KPNA7: variants seen among roughly 807,000 people sequenced by gnomAD.
KPNA7 encodes karyopherin subunit alpha 7, also known as importin subunit alpha-8.
KPNA7 carries 54 observed loss-of-function variants against 53.7 expected under a neutral mutation model. The observed-to-expected ratio is 1.01, with a 90% CI of 0.81 to 1.26. The LOEUF (loss-of-function observed/expected upper bound fraction) is 1.26. Ranked by LOEUF, KPNA7 falls within the 50% of genes most tolerant of loss-of-function variation. The pLI is 0.00. For missense variants in KPNA7, 640 were observed against 644.5 expected (o/e 0.99, Z 0.07); for synonymous variants, 276 against 259.3 (o/e 1.06, Z -0.62).
rs1209692489 is a variant in KPNA7, at chr7:99,190,341, AAAAAAAAAGCAG to A, written c.637-1790_637-1779del. ...ACAGAGCAAGACTCTGTCTCAAAAA[AAAAAAAAAGCAG>A]AAAAAAAAGCAGAAAAAAAAGAAAG... On this transcript the variant is annotated intron_variant, in intron 6 of 10. Transcript: ENST00000327442. Among the ~76,000 whole-genome samples the A allele has an allele frequency of 3.9e-4, 59 of 151,738 alleles. 1 individual carries two copies. The highest frequency in any genetic ancestry group is 1.9e-3 in the South Asian group (9 of 4,790).
At position 99,184,933 on chromosome 7, in the gene KPNA7, T is replaced by C; in HGVS notation, c.1130A>G (p.Lys377Arg). 6.4e-7 allele frequency: 1 copy of C among 1,552,080 alleles called. No homozygotes were observed. The highest frequency in any genetic ancestry group is 8.7e-7 in the Non-Finnish European group (1 of 1,147,078). The change falls in exon 8 of 11, where the codon AAA (lysine) becomes AGA (arginine). Residue 377 changes from lysine to arginine, a missense_variant. Lys to Arg is a conservative substitution (Grantham distance 26). Transcript: ENST00000327442. ...GTTGCTGTGTGCGCCACTTACGTTT[T>C]TTAGCAGAGCCACCAAGGGAGGCAA... ...DVLPPLVALL[K>R]NGEFKVQKEA...
chr7:99,185,132 C>T lies in KPNA7; in HGVS notation c.931G>A (p.Val311Ile), dbSNP rs2150725655. ...TPSLRTVGNI[V>I]TGTDEQTQMA... ...TGCGTCTGCTCATCTGTGCCCGTGA[C>T]AATGTTCCCCACGGTGCGGAGAGAA... Residue 311 changes from valine to isoleucine, a missense_variant, in exon 8 of 11, where the codon GTC (valine) becomes ATC (isoleucine). By Grantham distance (29) the Val-to-Ile change is conservative. Coordinates refer to ENST00000327442, the MANE Select transcript of KPNA7 (RefSeq NM_001145715.3). 1 of 1,552,066 alleles carries T rather than the reference C, an allele frequency of 6.4e-7. No individual in the cohort carries two copies. The highest frequency in any genetic ancestry group is 8.7e-7 in the Non-Finnish European group (1 of 1,147,060).
chr7:99,203,208 C>G lies in KPNA7; in HGVS notation c.99G>C (p.Leu33=). The G allele has an allele frequency of 1.3e-6, 2 of 1,551,678 alleles. No homozygotes were observed. Among genetic ancestry groups the G allele is most frequent in the Non-Finnish European group, 1.7e-6 (2 of 1,146,924 alleles). The change falls in exon 3 of 11, where the codon CTG becomes CTC. Residue 33 remains leucine, a synonymous_variant. Coordinates refer to ENST00000327442, the MANE Select transcript of KPNA7 (RefSeq NM_001145715.3). ...CATCTTTCTTGGCCTTTCGGAGCTC[C>G]AGACTGACCGCCATCCTCTGCTGTC... is the stretch of plus-strand genomic sequence containing the variant. The part of the protein sequence containing the change: ...LRRQQRMAVS[L]ELRKAKKDEQ...
chr7:99,203,835 C>CA (rs762242430), intron 2 of KPNA7, among the ~76,000 whole-genome samples: 2 of 152,108 alleles, frequency 1.3e-5, no homozygotes, highest in Non-Finnish European at 2.9e-5. Flanking sequence ...CTCAGCCTCC[C>CA]AAGTAGCTGG....
upstream of KPNA7, among the ~76,000 whole-genome samples, chr7:99,208,643 T>C (rs1211992408): frequency 6.6e-6 from 1 of 151,984 alleles, no homozygotes; most frequent in Non-Finnish European, 1.5e-5. Flanking sequence ...CCTGACCTTG[T>C]GATCCACCCA....
chr7:99,211,167 C>A (rs926976627), upstream of KPNA7, among the ~76,000 whole-genome samples: 2 of 152,196 alleles, frequency 1.3e-5, no homozygotes, highest in Admixed American at 1.3e-4. Context: ...TGCCTATAAT[C>A]CCATCACTTT....
intron 7 of KPNA7, among the ~76,000 whole-genome samples, chr7:99,187,554 A>ATT (rs1789662311): frequency 1.3e-5 from 1 of 78,890 alleles, no homozygotes; most frequent in Non-Finnish European, 2.8e-5. Context: ...ACACCCAGCT[A>ATT]ATTTTTTTTT....
chr7:99,154,374 C>T, the KPNA7 span, among the ~76,000 whole-genome samples: 3 of 152,004 alleles, frequency 2.0e-5, no homozygotes, highest in Non-Finnish European at 4.4e-5. Flanking sequence ...AGCAATCCGC[C>T]CACCTTGGCC....
chr7:99,149,288 A>C, the KPNA7 span, among the ~76,000 whole-genome samples: 2 of 152,140 alleles, frequency 1.3e-5, no homozygotes, highest in Non-Finnish European at 2.9e-5. Context: ...GGACAATAAC[A>C]ACCCTTTTGA....
chr7:99,197,529 G>C (rs1314904724), intron 3 of KPNA7, among the ~76,000 whole-genome samples: 1 of 152,100 alleles, frequency 6.6e-6, no homozygotes, highest in East Asian at 1.9e-4. Context: ...TGTTGAACTA[G>C]ACAAAGATTT....
chr7:99,164,474 T>C, the KPNA7 span, among the ~76,000 whole-genome samples: 2 of 151,434 alleles, frequency 1.3e-5, no homozygotes, highest in African/African-American at 4.9e-5. Flanking sequence ...AACATCACAC[T>C]CCGGGGACTG....
At chr7:99,212,377 G>A (rs1306148583), upstream of KPNA7, among the ~76,000 whole-genome samples, 2 of 151,396 alleles carry the variant, frequency 1.3e-5, no homozygotes, top group East Asian at 3.9e-4. Context: ...CCACGTAGCT[G>A]GGATTACAGG....
rs114004840 is a variant in KPNA7, at chr7:99,173,873, G to A, written c.1465-79C>T. 2,042 of 838,062 alleles carry A rather than the reference G, an allele frequency of 2.4e-3. 28 individuals are homozygous for A. The African/African-American group carries it at 0.03, about 12-fold the overall frequency. The allele number at this position is 838,062 out of a possible 1,614,324, so 51.9% of individuals were successfully genotyped here. A position where few individuals can be genotyped will look rare whatever the true frequency, so the allele number is the denominator to read the frequency against. On this transcript the variant is annotated intron_variant, in intron 10 of 10. Coordinates refer to ENST00000327442, the MANE Select transcript of KPNA7 (RefSeq NM_001145715.3). ...CTGCACATTTGGCAAGATGCACCTT[G>A]TAACAAAATTGACCCTCTTAACCAT...
the KPNA7 span, among the ~76,000 whole-genome samples, chr7:99,156,085 G>A: frequency 0.015 from 2,251 of 152,122 alleles, 27 homozygotes; most frequent in Non-Finnish European, 0.024. Flanking sequence ...TGGACTTCTG[G>A]GTTGGTTTCA....
chr7:99,153,458 G>A, the KPNA7 span, among the ~76,000 whole-genome samples: 2 of 151,606 alleles, frequency 1.3e-5, no homozygotes, highest in Non-Finnish European at 2.9e-5. Flanking sequence ...GCTGAGGCAG[G>A]AGAATCACTT....
the KPNA7 span, among the ~76,000 whole-genome samples, chr7:99,161,583 G>A: frequency 6.6e-6 from 1 of 152,078 alleles, no homozygotes; most frequent in African/African-American, 2.4e-5. Flanking sequence ...TTAAGTTTCT[G>A]GGAAATTTGT....
chr7:99,200,230 G>C (rs1439188922), intron 3 of KPNA7, among the ~76,000 whole-genome samples: 1 of 152,090 alleles, frequency 6.6e-6, no homozygotes, highest in Non-Finnish European at 1.5e-5. Context: ...TAGAGACGCG[G>C]TTTCACCATG....
At chr7:99,192,759 T>C (rs1790019967) in intron 6 of KPNA7, among the ~76,000 whole-genome samples, 1 of 152,096 alleles carries the variant, frequency 6.6e-6, no homozygotes, top group Non-Finnish European at 1.5e-5. Context: ...CCACATGATC[T>C]AGCATTGGAT....
At chr7:99,172,854 T>C (rs1184885037), downstream of KPNA7, among the ~76,000 whole-genome samples, 1 of 151,916 alleles carries the variant, frequency 6.6e-6, no homozygotes. Flanking sequence ...CCTGAGGTCA[T>C]GAGTTTGAGA....
Sources: allele counts gnomAD v4.1 joint callset (sites outside exome capture counted in the v4.1 genomes callset), GRCh38; gene constraint gnomAD v4.1.1; transcripts MANE v1.5; gene names NCBI Gene and HGNC (gene_info 2026-07-23, HGNC 2026-07-21).